The following PIGK variants were observed in gnomAD, a reference collection of about 807,000 sequenced individuals.
PIGK encodes GPI-anchor transamidase.
A neutral mutation model predicts 50.6 loss-of-function variants in PIGK; 42 were observed. The ratio of observed to expected loss-of-function variants is 0.83; its 90% CI spans 0.65 to 1.07. PIGK has a LOEUF of 1.07. Ranked by LOEUF, PIGK falls within the 50% of genes least tolerant of loss-of-function variation. PIGK has a pLI of 0.00. For missense variants in PIGK, 448 were observed against 488.7 expected, an observed-to-expected ratio of 0.92 and a Z score of 0.78; for synonymous variants, 151 against 156.0, an observed-to-expected ratio of 0.97 and a Z score of 0.24.
chr1:77,177,460 C>T (rs1175337353), intron 3 of PIGK, among the ~76,000 whole-genome samples: 1 of 152,250 alleles, frequency 6.6e-6, no homozygotes, highest in Non-Finnish European at 1.5e-5. Flanking sequence ...AGGACATGCT[C>T]CTGCTGCAGA....
intron 8 of PIGK, among the ~76,000 whole-genome samples, chr1:77,159,509 G>A (rs1276265456): frequency 6.6e-6 from 1 of 152,198 alleles, no homozygotes; most frequent in East Asian, 1.9e-4. Context: ...TGTGTACCTG[G>A]AAAAGCCACA....
At position 77,091,468 on chromosome 1, in the gene PIGK, TA is replaced by T. The variant is rs1653296364; in HGVS notation, c.*905del. The T allele has an allele frequency of 6.6e-6, 1 of 152,210 alleles. No homozygotes were observed. Among genetic ancestry groups the T allele is most frequent in the Non-Finnish European group, 1.5e-5 (1 of 68,032 alleles). 9.4% of individuals were successfully genotyped at this position (152,210 alleles called of 1,614,324 possible). A position where few individuals can be genotyped will look rare whatever the true frequency, so the allele number is the denominator to read the frequency against. ...CAGCCAGTGGGCAAGGAGGTTTACC[TA>T]AAACAGAATGAAATAAAGTCCTTGT... is the stretch of plus-strand genomic sequence containing the variant. On this transcript the variant is annotated 3_prime_UTR_variant, in exon 11 of 11. Transcript: ENST00000370812.
intron 10 of PIGK, among the ~76,000 whole-genome samples, chr1:77,106,723 T>C (rs1189627877): frequency 6.6e-6 from 1 of 152,122 alleles, no homozygotes; most frequent in Non-Finnish European, 1.5e-5. Context: ...TTATAATAAT[T>C]ACTTGATAAT....
chr1:77,091,497 GCT>G lies in PIGK; in HGVS notation c.*875_*876del, dbSNP rs1028377905. The G allele has an allele frequency of 6.6e-6, 1 of 152,140 alleles. No homozygotes were observed. Among genetic ancestry groups the G allele is most frequent in the Non-Finnish European group, 1.5e-5 (1 of 68,014 alleles). The allele number at this position is 152,140 out of a possible 1,614,324, so 9.4% of individuals were successfully genotyped here. A position where few individuals can be genotyped will look rare whatever the true frequency, so the allele number is the denominator to read the frequency against. ...ACAGAATGAAATAAAGTCCTTGTTG[GCT>G]CTCTCTTTCAAGATGGAAAATGAAG... On this transcript the variant is annotated 3_prime_UTR_variant, in exon 11 of 11. Coordinates refer to ENST00000370812, the MANE Select transcript of PIGK (RefSeq NM_005482.3).
Position 77,092,290 on chromosome 1 carries a change from G to A in PIGK, c.*84C>T. The A allele has an allele frequency of 1.6e-6, 1 of 631,026 alleles. No homozygotes were observed. Among genetic ancestry groups the A allele is most frequent in the Non-Finnish European group, 2.8e-6 (1 of 363,106 alleles). The allele number at this position is 631,026 out of a possible 1,614,324, so 39.1% of individuals were successfully genotyped here. ...ATACTTATTTCCAATTCATACAAGA[G>A]AAACACATTTTTAAAAATATATAAT... is the stretch of plus-strand genomic sequence containing the variant. On this transcript the variant is annotated 3_prime_UTR_variant, in exon 11 of 11. Transcript: ENST00000370812.
At chr1:77,142,652 A>C (rs1052557693) in intron 9 of PIGK, among the ~76,000 whole-genome samples, 4 of 152,138 alleles carry the variant, frequency 2.6e-5, no homozygotes, top group African/African-American at 7.2e-5. Flanking sequence ...GACCTTCTTC[A>C]TATGGTGGCA....
chr1:77,096,905 T>G (rs868335089), intron 10 of PIGK, among the ~76,000 whole-genome samples: 16 of 150,528 alleles, frequency 1.1e-4, no homozygotes, highest in Non-Finnish European at 2.2e-4. Flanking sequence ...TTTGTTTTTT[T>G]GTTTTTTTGT....
At chr1:77,129,614 G>GA (rs754888437) in intron 9 of PIGK, 1 of 1,551,082 alleles carries the variant, frequency 6.4e-7, no homozygotes, top group South Asian at 1.1e-5. Flanking sequence ...TTGCCCAGAA[G>GA]AAAAAGATAT....
rs374259411 is a variant in PIGK, at chr1:77,177,518, C to G, written c.240-8123G>C. On this transcript the variant is annotated intron_variant, in intron 3 of 10. Transcript: ENST00000370812. ...TTACTTCGGTCCATCCCTTTGTTTC[C>G]TGTAAGGAATACTTTTAGTTAATCT... Among the ~76,000 whole-genome samples the G allele has an allele frequency of 2.0e-3, 300 of 152,380 alleles. 2 individuals are homozygous for G. The highest frequency in any genetic ancestry group is 6.8e-3 in the African/African-American group (284 of 41,590).
At chr1:77,137,889 C>A (rs1345430612) in intron 9 of PIGK, among the ~76,000 whole-genome samples, 1 of 152,158 alleles carries the variant, frequency 6.6e-6, no homozygotes, top group African/African-American at 2.4e-5. Flanking sequence ...CAGGAGTGAG[C>A]CACCACGCCT....
chr1:77,218,322 G>A (rs1365279123), intron 1 of PIGK, among the ~76,000 whole-genome samples: 1 of 152,226 alleles, frequency 6.6e-6, no homozygotes, highest in Non-Finnish European at 1.5e-5. Context: ...GAGTATGGAG[G>A]CCTATGGAAA....
At chr1:77,101,655 T>C (rs1653543549) in intron 10 of PIGK, among the ~76,000 whole-genome samples, 1 of 152,226 alleles carries the variant, frequency 6.6e-6, no homozygotes, top group South Asian at 2.1e-4. Flanking sequence ...TTAAGAATTA[T>C]AGTGATCAAC....
chr1:77,131,192 C>T (rs1294103654), intron 9 of PIGK, among the ~76,000 whole-genome samples: 1 of 151,406 alleles, frequency 6.6e-6, no homozygotes, highest in Non-Finnish European at 1.5e-5. Context: ...TGTATTAATA[C>T]ATCTATAGAC....
intron 3 of PIGK, among the ~76,000 whole-genome samples, chr1:77,175,766 G>A (rs1440693058): frequency 6.6e-6 from 1 of 152,022 alleles, no homozygotes; most frequent in African/African-American, 2.4e-5. Context: ...TTTACATAAA[G>A]TGAACATTTA....
chr1:77,134,708 T>C (rs1654459419), intron 9 of PIGK, among the ~76,000 whole-genome samples: 1 of 152,196 alleles, frequency 6.6e-6, no homozygotes, highest in Admixed American at 6.5e-5. Flanking sequence ...ATCTGATATT[T>C]TTAAAAATAC....
chr1:77,133,122 A>T (rs1654415717), intron 9 of PIGK, among the ~76,000 whole-genome samples: 1 of 151,924 alleles, frequency 6.6e-6, no homozygotes, highest in Non-Finnish European at 1.5e-5. Flanking sequence ...TCAATCTGTC[A>T]TCTAGTTTGG....
chr1:77,179,938 T>C (rs1245015243), intron 3 of PIGK, among the ~76,000 whole-genome samples: 1 of 152,118 alleles, frequency 6.6e-6, no homozygotes, highest in African/African-American at 2.4e-5. Flanking sequence ...TCAAAGTGTC[T>C]TTTTCACTTG....
At chr1:77,129,525 C>A in intron 9 of PIGK, 1 of 1,363,010 alleles carries the variant, frequency 7.3e-7, no homozygotes, top group Non-Finnish European at 1.0e-6. Context: ...TCGGATTAAC[C>A]CATACATGAG....
chr1:77,100,730 G>A (rs1653521821), intron 10 of PIGK, among the ~76,000 whole-genome samples: 1 of 152,184 alleles, frequency 6.6e-6, no homozygotes, highest in African/African-American at 2.4e-5. Context: ...AGAGATTGAA[G>A]TTGGAAAGAT....
Sources: gnomAD v4.1 joint callset for allele counts (sites outside exome capture counted in the v4.1 genomes callset) on GRCh38, gnomAD v4.1.1 for gene constraint, MANE v1.5 for transcripts, NCBI Gene and HGNC (gene_info 2026-07-23, HGNC 2026-07-21) for gene names.